Variants in PTK2 observed in about 807,000 individuals in gnomAD.
PTK2 encodes the protein protein tyrosine kinase 2, also known as focal adhesion kinase 1.
In PTK2, 45 loss-of-function variants were observed where a neutral mutation model predicts 150.1. That is an observed-to-expected ratio of 0.30 (90% CI 0.24 to 0.38). The LOEUF is 0.38. PTK2 is among the 10% of genes least tolerant of loss of function. The pLI is 1.00. For missense variants in PTK2, 919 were observed against 1,307.3 expected (o/e 0.70, Z 4.58); for synonymous variants, 432 against 449.2 (o/e 0.96, Z 0.48).
intron 2 of PTK2, among the ~76,000 whole-genome samples, chr8:140,912,445 G>A (rs1280277378): frequency 6.6e-6 from 1 of 151,734 alleles, no homozygotes; most frequent in Non-Finnish European, 1.5e-5. Flanking sequence ...CCTGGGCAAC[G>A]TATTAACAGC....
At chr8:140,813,711 C>G (rs894952746) in intron 10 of PTK2, among the ~76,000 whole-genome samples, 3 of 152,012 alleles carry the variant, frequency 2.0e-5, no homozygotes, top group Non-Finnish European at 4.4e-5. Flanking sequence ...AGTTTAACAA[C>G]TTAAGATCAC....
chr8:140,921,252 A>G, intron 2 of PTK2: 1 of 507,094 alleles, frequency 2.0e-6, no homozygotes, highest in Non-Finnish European at 2.7e-6. Flanking sequence ...GAGGGAGGGA[A>G]AAGAGGGAGG....
intron 22 of PTK2, among the ~76,000 whole-genome samples, chr8:140,724,978 G>A (rs2100044917): frequency 6.6e-6 from 1 of 152,170 alleles, no homozygotes; most frequent in African/African-American, 2.4e-5. Flanking sequence ...TAGTCTCCAG[G>A]TGGACTGGAA....
At chr8:140,764,834 T>A (rs542145444) in intron 14 of PTK2, 1 of 153,728 alleles carries the variant, frequency 6.5e-6, no homozygotes, top group Non-Finnish European at 1.4e-5. Context: ...CAGGAATTTG[T>A]TTCCTAACTT....
chr8:140,661,531 G>A (rs1161656446), intron 31 of PTK2, among the ~76,000 whole-genome samples: 4 of 152,198 alleles, frequency 2.6e-5, no homozygotes, highest in Non-Finnish European at 5.9e-5. Flanking sequence ...AGCTCAGGGC[G>A]GGGTTCTATA....
chr8:140,877,479 A>G (rs562037607), intron 4 of PTK2, among the ~76,000 whole-genome samples: 2 of 152,316 alleles, frequency 1.3e-5, no homozygotes, highest in African/African-American at 4.8e-5. Flanking sequence ...GTCACAAACT[A>G]TGTAACTACA....
exon 27 of PTK2, chr8:140,686,659 G>A: frequency 6.2e-7 from 1 of 1,613,892 alleles, no homozygotes; most frequent in Non-Finnish European, 8.5e-7. Context: ...CATCCTCCCT[G>A]TCAATACTGC....
chr8:140,802,431 CAA>C (rs2100095660), intron 11 of PTK2, among the ~76,000 whole-genome samples: 1 of 151,482 alleles, frequency 6.6e-6, no homozygotes, highest in Non-Finnish European at 1.5e-5. Context: ...ATTGTTATTA[CAA>C]GAGTCAAAAA....
intron 23 of PTK2, among the ~76,000 whole-genome samples, chr8:140,715,518 G>C (rs1290915984): frequency 6.6e-6 from 1 of 152,012 alleles, no homozygotes; most frequent in Non-Finnish European, 1.5e-5. Flanking sequence ...TTTCTTTAAA[G>C]GTCAAAGAGT....
chr8:140,875,044 T>C (rs144021489), intron 4 of PTK2, among the ~76,000 whole-genome samples: 39 of 152,238 alleles, frequency 2.6e-4, no homozygotes, highest in African/African-American at 8.9e-4. Flanking sequence ...TAACAGAGTA[T>C]ATGAGCTGAT....
chr8:140,841,303 T>C (rs1017173228), intron 7 of PTK2, among the ~76,000 whole-genome samples: 2 of 152,080 alleles, frequency 1.3e-5, no homozygotes, highest in African/African-American at 4.8e-5. Flanking sequence ...TTGAAACTTT[T>C]TCATGATAAA....
At chr8:140,866,866 T>C (rs1255673236) in intron 4 of PTK2, among the ~76,000 whole-genome samples, 1 of 152,104 alleles carries the variant, frequency 6.6e-6, no homozygotes, top group African/African-American at 2.4e-5. Flanking sequence ...GAATAACAAA[T>C]GATTAAGTAT....
At chr8:140,744,705 G>A (rs922269557) in exon 19 of PTK2, 2 of 1,609,492 alleles carry the variant, frequency 1.2e-6, no homozygotes, top group East Asian at 2.2e-5. Context: ...TAAGCTGATA[G>A]GCATACAGGA....
intron 29 of PTK2, 24 bp downstream of exon 32, chr8:140,674,274 T>G: frequency 1.3e-6 from 2 of 1,573,884 alleles, no homozygotes; most frequent in Non-Finnish European, 1.7e-6. Flanking sequence ...AAGCAGAAGG[T>G]GCTGCACAGG....
At chr8:140,732,258 A>G (rs867327700) in intron 22 of PTK2, among the ~76,000 whole-genome samples, 1 of 152,218 alleles carries the variant, frequency 6.6e-6, no homozygotes, top group Non-Finnish European at 1.5e-5. Flanking sequence ...CTAATTGTAT[A>G]TGTTCAAAAC....
chr8:140,885,273 C>A (rs891153473), intron 3 of PTK2, among the ~76,000 whole-genome samples: 1 of 152,152 alleles, frequency 6.6e-6, no homozygotes, highest in Non-Finnish European at 1.5e-5. Context: ...CTTCTGTGGT[C>A]AATGTTCCTA....
Position 140,912,293 on chromosome 8 carries a change from T to C in PTK2, c.-33+13368A>G, listed in dbSNP as rs139849246. Among the ~76,000 whole-genome samples, 889 of 151,524 alleles carry C rather than the reference T, an allele frequency of 5.9e-3. 12 individuals are homozygous for C. The highest frequency in any genetic ancestry group is 0.02 in the African/African-American group (813 of 41,320). On this transcript the variant is annotated intron_variant, in intron 2 of 31. Coordinates refer to ENST00000522684, the Ensembl canonical transcript of PTK2. ...ACAAAAAAATCAGGATAATATGTCA[T>C]GATAAAGTGGGGTTTATCTCAGCAA...
chr8:140,722,347 T>C (rs1033492385), intron 22 of PTK2, among the ~76,000 whole-genome samples: 3 of 152,220 alleles, frequency 2.0e-5, no homozygotes, highest in Non-Finnish European at 2.9e-5. Context: ...CGATCATTCC[T>C]GGACTCAAAT....
At chr8:140,991,463 T>A (rs187476893) in intron 1 of PTK2, among the ~76,000 whole-genome samples, 1 of 152,196 alleles carries the variant, frequency 6.6e-6, no homozygotes, top group East Asian at 1.9e-4. Flanking sequence ...AGTATTAGCA[T>A]AAAACATTCA....
Sources: gnomAD v4.1 joint callset for allele counts (sites outside exome capture counted in the v4.1 genomes callset) on GRCh38, gnomAD v4.1.1 for gene constraint, MANE v1.5 for transcripts, NCBI Gene and HGNC (gene_info 2026-07-23, HGNC 2026-07-21) for gene names.